Variants in CAPN8 observed in about 807,000 individuals in gnomAD.
CAPN8 encodes the protein calpain-8.
CAPN8 carries 87 observed loss-of-function variants against 80.9 expected under a neutral mutation model. The ratio of observed to expected loss-of-function variants is 1.07; its 90% CI spans 0.90 to 1.28. The LOEUF is 1.28. Among genes scored for constraint, CAPN8 ranks in the 50% most tolerant of loss-of-function variants. CAPN8 has a pLI of 0.00. For synonymous variants in CAPN8, 299 were observed against 273.8 expected, an observed-to-expected ratio of 1.09 and a Z score of -0.91; for missense variants, 757 against 702.0, an observed-to-expected ratio of 1.08 and a Z score of -0.89.
At chr1:223,665,191 T>C (rs1186643300) in intron 1 of CAPN8, among the ~76,000 whole-genome samples, 1 of 152,066 alleles carries the variant, frequency 6.6e-6, no homozygotes, top group African/African-American at 2.4e-5. Flanking sequence ...AGGTAGAGGT[T>C]GCAGTGAGCT....
At chr1:223,661,228 GGT>G (rs1658636822) in intron 1 of CAPN8, among the ~76,000 whole-genome samples, 1 of 151,286 alleles carries the variant, frequency 6.6e-6, no homozygotes, top group African/African-American at 2.4e-5. Flanking sequence ...ATCTACAAAT[GGT>G]CAATAAGCAC....
At position 223,544,184 on chromosome 1, in the gene CAPN8, C is replaced by A. The variant is rs1375861436; in HGVS notation, c.1913-1G>T. On this transcript the variant is annotated splice_acceptor_variant, in intron 18 of 20. Coordinates refer to ENST00000366872, the MANE Select transcript of CAPN8 (RefSeq NM_001143962.2). LOFTEE classifies it high-confidence loss of function. ...TGCACCTGGCTGTTGAGGGTGAAAC[C>A]TGAGGGCAGAGGGAGCCTGGGTCAC... 2.8e-6 allele frequency: 2 copies of A among 717,902 alleles called. No individual in the cohort carries two copies. The highest frequency in any genetic ancestry group is 5.2e-6 in the Non-Finnish European group (2 of 385,066). 44.5% of individuals were successfully genotyped at this position (717,902 alleles called of 1,614,324 possible).
In CAPN8 at chr1:223,541,800, G is replaced by A. The variant is rs192333245; in HGVS notation, c.*36C>T. 9.7e-6 allele frequency: 15 copies of A among 1,551,472 alleles called. No individual in the cohort carries two copies. In the East Asian group the frequency reaches 9.8e-5, roughly 10 times the overall value. The stretch of plus-strand genomic sequence containing the variant: ...GAAGGGGTGACAAGAAGCAAGCAGT[G>A]GGGCAGGGAGTGTCACTGATGTCCG... On this transcript the variant is annotated 3_prime_UTR_variant, in exon 21 of 21. Transcript: ENST00000366872.
chr1:223,648,439 T>C (rs545846174), intron 2 of CAPN8, among the ~76,000 whole-genome samples: 1 of 152,334 alleles, frequency 6.6e-6, no homozygotes, highest in South Asian at 2.1e-4. Context: ...AGTGAATTGA[T>C]TTACTTTGCC....
rs1347348297 is a variant in CAPN8, at chr1:223,541,808, G to A, written c.*28C>T. ...GACAAGAAGCAAGCAGTGGGGCAGG[G>A]AGTGTCACTGATGTCCGAAACCCCG... On this transcript the variant is annotated 3_prime_UTR_variant, in exon 21 of 21. Coordinates refer to ENST00000366872, the MANE Select transcript of CAPN8 (RefSeq NM_001143962.2). 6.4e-6 allele frequency: 10 copies of A among 1,551,386 alleles called. No homozygotes were observed. The Admixed American group carries it at 1.8e-4, about 27-fold the overall frequency.
intron 9 of CAPN8, chr1:223,618,002 C>T (rs899988754): frequency 1.4e-5 from 7 of 490,742 alleles, no homozygotes; most frequent in African/African-American, 1.3e-4. Context: ...CCCAGCACTG[C>T]ATCCAGGTGG....
chr1:223,632,833 T>C (rs1657811248), intron 2 of CAPN8, among the ~76,000 whole-genome samples: 1 of 152,212 alleles, frequency 6.6e-6, no homozygotes, highest in South Asian at 2.1e-4. Context: ...CTCATGCGCT[T>C]TAAGCAGAGG....
At chr1:223,631,960 A>G (rs1657786112) in intron 2 of CAPN8, among the ~76,000 whole-genome samples, 1 of 152,146 alleles carries the variant, frequency 6.6e-6, no homozygotes, top group Non-Finnish European at 1.5e-5. Context: ...TCCCGGTCTA[A>G]GCTTCTTCCG....
intron 17 of CAPN8, 99 bp from the exon 18 acceptor site, chr1:223,544,949 A>G: frequency 2.0e-6 from 3 of 1,533,776 alleles, no homozygotes; most frequent in Non-Finnish European, 2.6e-6. Context: ...GGCCAGGGAC[A>G]CTTTCAAAAG....
chr1:223,649,255 G>C (rs1387970499), intron 2 of CAPN8, among the ~76,000 whole-genome samples: 2 of 152,224 alleles, frequency 1.3e-5, no homozygotes, highest in Admixed American at 6.5e-5. Context: ...AGGCACAAAT[G>C]ATACCACACC....
Position 223,541,854 on chromosome 1 carries a change from C to T in CAPN8, c.2094G>A (p.Leu698=). Reference sequence around the variant, plus strand: ...CCCCGGGTCAGACCAACACGCAGCACAGCCACTGCAAAGGAAAGGGACAAG... The same window carrying T: ...CCCCGGGTCAGACCAACACGCAGCATAGCCACTGCAAAGGAAAGGGACAAG... ...GMVQLSLAEW[L]CCVLV is the part of the protein sequence containing the mutation. The change falls in exon 21 of 21, where the codon CTG becomes CTA. Residue 698 remains leucine, a synonymous_variant. Transcript: ENST00000366872. 6.5e-7 allele frequency: 1 copy of T among 1,547,824 alleles called. No individual in the cohort carries two copies.
chr1:223,654,454 G>A, intron 1 of CAPN8, 55 bp from the exon 2 acceptor site: 1 of 1,482,618 alleles, frequency 6.7e-7, no homozygotes, highest in Non-Finnish European at 9.2e-7. Flanking sequence ...GATGGCAGCA[G>A]CCTGGGGAAA....
At chr1:223,549,626 C>T in intron 15 of CAPN8, 1 of 644,330 alleles carries the variant, frequency 1.6e-6, no homozygotes, top group Non-Finnish European at 2.8e-6. Flanking sequence ...TGGCTTGGCT[C>T]CCCACAAGCC....
chr1:223,609,945 G>C (rs993486082), intron 11 of CAPN8, among the ~76,000 whole-genome samples: 5 of 152,318 alleles, frequency 3.3e-5, no homozygotes, highest in Admixed American at 1.3e-4. Flanking sequence ...GGTCCCCCCA[G>C]CCTCCCCAGG....
chr1:223,663,953 T>A (rs548952646), intron 1 of CAPN8, among the ~76,000 whole-genome samples: 1 of 152,236 alleles, frequency 6.6e-6, no homozygotes, highest in Non-Finnish European at 1.5e-5. Context: ...TTCCCTATCA[T>A]GGTTTAGAAG....
Position 223,619,456 on chromosome 1 carries a change from G to A in CAPN8, c.975-3C>T. On this transcript the variant is annotated splice_region_variant and splice_polypyrimidine_tract_variant and intron_variant, in intron 8 of 20. Coordinates refer to ENST00000366872, the MANE Select transcript of CAPN8 (RefSeq NM_001143962.2). ...TCACGAAATCTGAAAGTGACATCCTGGGGCAGAGGCACCAGAGGGCTCTCA... is the reference window on the plus strand; with the variant it reads ...TCACGAAATCTGAAAGTGACATCCTAGGGCAGAGGCACCAGAGGGCTCTCA... 1.3e-6 allele frequency: 2 copies of A among 1,551,544 alleles called. No individual in the cohort carries two copies. The highest frequency in any genetic ancestry group is 1.7e-6 in the Non-Finnish European group (2 of 1,146,972).
At chr1:223,660,398 C>A (rs965389423) in intron 1 of CAPN8, among the ~76,000 whole-genome samples, 1 of 152,182 alleles carries the variant, frequency 6.6e-6, no homozygotes, top group African/African-American at 2.4e-5. Flanking sequence ...CACCCCCGAT[C>A]TCACATAGCC....
chr1:223,618,206 C>T, intron 9 of CAPN8: 1 of 1,549,330 alleles, frequency 6.5e-7, no homozygotes, highest in Non-Finnish European at 8.7e-7. Context: ...TTCTTCATTT[C>T]TCCTTAGAGA....
intron 10 of CAPN8, 76 bp from the exon 11 acceptor site, chr1:223,612,333 T>C (rs1170642909): frequency 8.2e-7 from 1 of 1,214,312 alleles, no homozygotes; most frequent in East Asian, 3.2e-5. Context: ...TCTCTCCCTA[T>C]GTCTTGCAAA....
Sources: allele counts gnomAD v4.1 joint callset (sites outside exome capture counted in the v4.1 genomes callset), GRCh38; gene constraint gnomAD v4.1.1; transcripts MANE v1.5; gene names NCBI Gene and HGNC (gene_info 2026-07-23, HGNC 2026-07-21).